TMPRSS11F: variants seen among roughly 807,000 people sequenced by gnomAD.
The protein encoded by TMPRSS11F is transmembrane protease serine 11F.
A neutral mutation model predicts 60.2 loss-of-function variants in TMPRSS11F; 47 were observed. The observed-to-expected ratio is 0.78, with a 90% confidence interval of 0.62 to 1.00. The LOEUF is 1.00. Among genes scored for constraint, TMPRSS11F ranks in the 50% least tolerant of loss-of-function variants. The pLI is 0.00. For synonymous variants in TMPRSS11F, 166 were observed against 167.3 expected, an observed-to-expected ratio of 0.99 and a Z score of 0.06; for missense variants, 519 against 522.9, an observed-to-expected ratio of 0.99 and a Z score of 0.07.
At chr4:68,067,556 A>C (rs1723356813) in intron 7 of TMPRSS11F, among the ~76,000 whole-genome samples, 1 of 152,268 alleles carries the variant, frequency 6.6e-6, no homozygotes, top group Non-Finnish European at 1.5e-5. Context: ...ACAGAAGTGC[A>C]AAGATTGGAG....
intron 2 of TMPRSS11F, among the ~76,000 whole-genome samples, chr4:68,098,254 G>A (rs911837205): frequency 2.6e-5 from 4 of 152,024 alleles, no homozygotes; most frequent in Non-Finnish European, 4.4e-5. Context: ...GCAATGAGCC[G>A]GGATCGTGCG....
At position 68,075,798 on chromosome 4, in the gene TMPRSS11F, T is replaced by A. The variant is rs192976731; in HGVS notation, c.283-1789A>T. 1.6e-3 allele frequency among the ~76,000 whole-genome samples: 242 copies of A among 151,958 alleles called. 2 individuals are homozygous for A. Among genetic ancestry groups the A allele is most frequent in the African/African-American group, 5.6e-3 (231 of 41,440 alleles). ...TCATGAGGTCAGGAGATCGAGACCA[T>A]CCTGGCTAACAAGGTGACACCCCGT... On this transcript the variant is annotated intron_variant, in intron 3 of 9. Coordinates refer to ENST00000356291, the MANE Select transcript of TMPRSS11F (RefSeq NM_207407.2).
chr4:68,053,991 G>T lies in TMPRSS11F; in HGVS notation c.1235C>A (p.Ser412Ter). ...TCCAGGTTTTTTGGGAAGTGCACATGATTGTCCCCAACTTACTATACCTAC... is the reference window on the plus strand; with the variant it reads ...TCCAGGTTTTTTGGGAAGTGCACATTATTGTCCCCAACTTACTATACCTAC... Reference protein sequence around the residue: ...YIVGIVSWGQSCALPKKPGVY... With the variant: ...YIVGIVSWGQ The change falls in exon 10 of 10, where the codon TCA becomes TAA. Residue 412 changes from serine to a stop codon, truncating the protein, a stop_gained. Transcript: ENST00000356291. LOFTEE classifies it high-confidence loss of function. 1 of 1,613,022 alleles carries T rather than the reference G, an allele frequency of 6.2e-7. No homozygotes were observed. The highest frequency in any genetic ancestry group is 8.5e-7 in the Non-Finnish European group (1 of 1,179,390).
chr4:68,097,680 T>C (rs1724100598), intron 2 of TMPRSS11F, among the ~76,000 whole-genome samples: 1 of 152,180 alleles, frequency 6.6e-6, no homozygotes. Context: ...TAAAATGCTT[T>C]TTTTGTCATT....
At position 68,062,867 on chromosome 4, in the gene TMPRSS11F, G is replaced by A. The variant is rs541318683; in HGVS notation, c.1015+1818C>T. Reference sequence around the variant, plus strand: ...AACATATGTATTGGGTGGTCTGTTTGCTGCCCAATTTTTTAAGTGGCTGCC... The same window carrying A: ...AACATATGTATTGGGTGGTCTGTTTACTGCCCAATTTTTTAAGTGGCTGCC... On this transcript the variant is annotated intron_variant, in intron 8 of 9. Transcript: ENST00000356291. The A allele has an allele frequency of 1.5e-5, 12 of 778,024 alleles. No individual in the cohort carries two copies. In the South Asian group the frequency reaches 1.6e-4, roughly 10 times the overall value. The allele number at this position is 778,024 out of a possible 1,614,324, so 48.2% of individuals were successfully genotyped here.
intron 3 of TMPRSS11F, among the ~76,000 whole-genome samples, chr4:68,076,162 C>T (rs1442029110): frequency 6.6e-6 from 1 of 152,132 alleles, no homozygotes; most frequent in East Asian, 1.9e-4. Context: ...ATGGAGACAT[C>T]ACCTTTCCAC....
chr4:68,105,305 T>C (rs996110042), intron 1 of TMPRSS11F, among the ~76,000 whole-genome samples: 1 of 152,062 alleles, frequency 6.6e-6, no homozygotes, highest in Non-Finnish European at 1.5e-5. Flanking sequence ...AAAATTGGAA[T>C]AAAAATGAGA....
At chr4:68,084,425 G>A (rs1007915565) in intron 3 of TMPRSS11F, among the ~76,000 whole-genome samples, 22 of 152,218 alleles carry the variant, frequency 1.4e-4, no homozygotes, top group South Asian at 4.1e-4. Flanking sequence ...CTACAGAGAC[G>A]GGTCAGGTCA....
At chr4:68,108,389 A>G (rs982096091) in intron 1 of TMPRSS11F, among the ~76,000 whole-genome samples, 1 of 152,186 alleles carries the variant, frequency 6.6e-6, no homozygotes, top group African/African-American at 2.4e-5. Context: ...ATGTTCTGGG[A>G]TGGAGAGGGT....
intron 3 of TMPRSS11F, among the ~76,000 whole-genome samples, chr4:68,084,117 AG>A (rs1206496564): frequency 6.6e-6 from 1 of 152,186 alleles, no homozygotes; most frequent in East Asian, 1.9e-4. Context: ...GCAAAAATAA[AG>A]AAAAAAGAAA....
rs113053584 is a variant in TMPRSS11F, at chr4:68,075,925, G to A, written c.283-1916C>T. Among the ~76,000 whole-genome samples the A allele has an allele frequency of 4.9e-3, 741 of 151,786 alleles. 5 individuals are homozygous for A. The highest frequency in any genetic ancestry group is 0.017 in the African/African-American group (693 of 41,406). ...GAAGAATGGCCTGAACCTGGGAGGC[G>A]GAGCTTGCAGTGAGCCAAGATTAGG... On this transcript the variant is annotated intron_variant, in intron 3 of 9. Transcript: ENST00000356291.
intron 2 of TMPRSS11F, among the ~76,000 whole-genome samples, chr4:68,095,102 A>G (rs1458636559): frequency 6.6e-6 from 1 of 151,650 alleles, no homozygotes; most frequent in Non-Finnish European, 1.5e-5. Flanking sequence ...ATCTCGAAAG[A>G]GCTTCACACA....
At chr4:68,109,329 C>T (rs1274177936) in intron 1 of TMPRSS11F, among the ~76,000 whole-genome samples, 1 of 152,066 alleles carries the variant, frequency 6.6e-6, no homozygotes, top group Non-Finnish European at 1.5e-5. Context: ...TTTACAGCTC[C>T]TCCCACTGTT....
intron 1 of TMPRSS11F, among the ~76,000 whole-genome samples, chr4:68,121,536 A>C (rs978407959): frequency 1.3e-5 from 2 of 152,176 alleles, no homozygotes; most frequent in African/African-American, 4.8e-5. Context: ...TTTTATATAT[A>C]TATAACATGG....
rs148769933 is a variant in TMPRSS11F at position 68,082,836 on chromosome 4, C to A, written c.282+7687G>T. Among the ~76,000 whole-genome samples the A allele has an allele frequency of 2.4e-3, 366 of 152,340 alleles. 5 individuals carry two copies. Among genetic ancestry groups the A allele is most frequent in the African/African-American group, 8.2e-3 (339 of 41,580 alleles). On this transcript the variant is annotated intron_variant, in intron 3 of 9. Transcript: ENST00000356291. ...ACAGAAGCTGGTGTGCCTCCCTCTA[C>A]AGGGATAATCCAGAAAGAGTGTGGC...
At chr4:68,083,224 C>A (rs192218227) in intron 3 of TMPRSS11F, among the ~76,000 whole-genome samples, 86 of 152,274 alleles carry the variant, frequency 5.6e-4, no homozygotes, top group African/African-American at 2.0e-3. Flanking sequence ...CTCTTGGCAA[C>A]CTAATCTTTA....
intron 1 of TMPRSS11F, among the ~76,000 whole-genome samples, chr4:68,118,107 A>G (rs897366222): frequency 6.6e-6 from 1 of 152,208 alleles, no homozygotes; most frequent in Non-Finnish European, 1.5e-5. Flanking sequence ...AGAAAGACAG[A>G]AATAACCAGG....
At chr4:68,114,744 C>T (rs1427642788) in intron 1 of TMPRSS11F, among the ~76,000 whole-genome samples, 3 of 150,856 alleles carry the variant, frequency 2.0e-5, no homozygotes, top group Non-Finnish European at 4.4e-5. Context: ...CAGATGAAAG[C>T]CCCTCTAAAC....
chr4:68,073,493 G>T (rs1485867110), intron 4 of TMPRSS11F, among the ~76,000 whole-genome samples: 1 of 151,880 alleles, frequency 6.6e-6, no homozygotes, highest in Non-Finnish European at 1.5e-5. Context: ...AGGTATGAAA[G>T]AAAGAAGTGC....
Sources: gnomAD v4.1 joint callset for allele counts (sites outside exome capture counted in the v4.1 genomes callset) on GRCh38, gnomAD v4.1.1 for gene constraint, MANE v1.5 for transcripts, NCBI Gene and HGNC (gene_info 2026-07-23, HGNC 2026-07-21) for gene names.